KDM6A: variants seen among roughly 807,000 people sequenced by gnomAD.
KDM6A encodes the protein lysine demethylase 6A.
KDM6A carries 11 observed loss-of-function variants against 117.6 expected under a neutral mutation model. The observed-to-expected ratio is 0.09, with a 90% CI of 0.06 to 0.15. The LOEUF is 0.15. KDM6A is among the 10% of genes least tolerant of loss of function. KDM6A has a pLI of 1.00. For missense variants in KDM6A, 799 were observed against 1,077.3 expected (o/e 0.74, Z 3.62); for synonymous variants, 384 against 396.1 (o/e 0.97, Z 0.36).
At position 44,875,885 on chromosome X, in the gene KDM6A, G is replaced by C. The variant is rs376981700; in HGVS notation, c.225+1898G>C. Among the ~76,000 whole-genome samples the C allele has an allele frequency of 7.2e-5, 8 of 111,820 alleles. No homozygotes were observed. The East Asian group carries it at 1.4e-3, about 19-fold the overall frequency. On this transcript the variant is annotated intron_variant, in intron 2 of 29. Transcript: ENST00000611820. The stretch of plus-strand genomic sequence containing the variant: ...GCTCATATTCATATAGATTCACTGC[G>C]AATAGTGCTTAACATTGGATTTCGG...
At chrX:44,986,595 A>G (rs2040240267) in intron 4 of KDM6A, among the ~76,000 whole-genome samples, 1 of 111,387 alleles carries the variant, frequency 9.0e-6, no homozygotes, top group Non-Finnish European at 1.9e-5. Flanking sequence ...TGTCCCAGAG[A>G]TTCTGGTATG....
intron 2 of KDM6A, among the ~76,000 whole-genome samples, chrX:44,953,989 T>C (rs1259737193): frequency 3.7e-5 from 4 of 108,384 alleles, no homozygotes; most frequent in African/African-American, 1.4e-4. Flanking sequence ...GCCTGGGAGG[T>C]CAAGGCTGCA....
chrX:45,012,554 C>T (rs1214455610), intron 5 of KDM6A, among the ~76,000 whole-genome samples: 2 of 110,806 alleles, frequency 1.8e-5, no homozygotes, highest in African/African-American at 3.3e-5. Flanking sequence ...TTCTGTGCTC[C>T]AGAATTTTAA....
At chrX:44,910,806 C>G (rs975646992) in intron 2 of KDM6A, among the ~76,000 whole-genome samples, 3 of 110,847 alleles carry the variant, frequency 2.7e-5, no homozygotes, top group African/African-American at 9.8e-5. Context: ...CAGAGAGCAC[C>G]GGGTTGGGGG....
chrX:44,979,842 AT>A (rs770003293), intron 4 of KDM6A, among the ~76,000 whole-genome samples: 5 of 110,825 alleles, frequency 4.5e-5, no homozygotes, highest in Admixed American at 9.6e-5. Context: ...TCTTTGAAAA[AT>A]ATCAACGTAC....
At chrX:45,107,686 T>C in intron 28 of KDM6A, 150 bp downstream of exon 28, 1 of 538,444 alleles carries the variant, frequency 1.9e-6, no homozygotes, top group Non-Finnish European at 2.9e-6. Flanking sequence ...GCTTAGCCAT[T>C]ATATTAAAAT....
At chrX:45,041,087 C>T (rs1374173571) in intron 8 of KDM6A, among the ~76,000 whole-genome samples, 5 of 79,195 alleles carry the variant, frequency 6.3e-5, no homozygotes, top group African/African-American at 2.1e-4. Flanking sequence ...AGAGGCACCC[C>T]TCACCTCCCG....
intron 24 of KDM6A, among the ~76,000 whole-genome samples, chrX:45,085,234 A>T (rs978703686): frequency 1.8e-5 from 2 of 111,999 alleles, no homozygotes; most frequent in Non-Finnish European, 3.8e-5. Context: ...TCATAAGGAA[A>T]AAAATGGTAA....
intron 8 of KDM6A, among the ~76,000 whole-genome samples, chrX:45,044,418 T>G (rs1367780605): frequency 9.0e-6 from 1 of 111,632 alleles, no homozygotes; most frequent in African/African-American, 3.3e-5. Context: ...ATTCTGTTAC[T>G]GAAATGTTAG....
chrX:45,103,564 T>C (rs1280804846), intron 27 of KDM6A, among the ~76,000 whole-genome samples: 2 of 112,267 alleles, frequency 1.8e-5, no homozygotes, highest in African/African-American at 6.5e-5. Flanking sequence ...AATATAAGGC[T>C]TTTGATAATT....
chrX:44,896,230 C>T (rs908410176), intron 2 of KDM6A, among the ~76,000 whole-genome samples: 6 of 109,752 alleles, frequency 5.5e-5, no homozygotes, highest in African/African-American at 2.0e-4. Flanking sequence ...CCTGCCACCA[C>T]GCCCAGCTAA....
rs377249285 is a variant in KDM6A, at chrX:45,101,587, G to A, written c.4035-5823G>A. Among the ~76,000 whole-genome samples the A allele has an allele frequency of 6.3e-5, 7 of 110,276 alleles. No individual in the cohort carries two copies. In the East Asian group the frequency reaches 1.1e-3, roughly 18 times the overall value. On this transcript the variant is annotated intron_variant, in intron 27 of 29. Transcript: ENST00000611820. The stretch of plus-strand genomic sequence containing the variant: ...ATGCTGCTATTAAATATCCTGCAGG[G>A]CACAAGACAGCTCCCCATAACAAAG...
In KDM6A at chrX:45,103,226, T is replaced by TA. The variant is rs765164392; in HGVS notation, c.4035-4183dup. Among the ~76,000 whole-genome samples the TA allele has an allele frequency of 6.3e-5, 7 of 111,217 alleles. No individual in the cohort carries two copies. In the East Asian group the frequency reaches 2.0e-3, roughly 31 times the overall value. On this transcript the variant is annotated intron_variant, in intron 27 of 29. Coordinates refer to ENST00000611820, the MANE Select transcript of KDM6A (RefSeq NM_001291415.2). ...AATATTATTATGGCTTCATTCCTGT[T>TA]ACTTCCTGCCCCAGAAACGTCATGC...
chrX:44,904,955 T>C (rs2034557839), intron 2 of KDM6A, among the ~76,000 whole-genome samples: 1 of 112,269 alleles, frequency 8.9e-6, no homozygotes, highest in African/African-American at 3.2e-5. Context: ...AACTATTTGC[T>C]CGTTTTCTCA....
At chrX:45,062,312 G>A (rs756952423) in intron 15 of KDM6A, among the ~76,000 whole-genome samples, 3 of 112,065 alleles carry the variant, frequency 2.7e-5, no homozygotes, top group Non-Finnish European at 5.6e-5. Context: ...ATTCCAGACA[G>A]TGCTGCTTTT....
intron 6 of KDM6A, among the ~76,000 whole-genome samples, chrX:45,025,372 A>G (rs2147707047): frequency 8.9e-6 from 1 of 112,140 alleles, no homozygotes; most frequent in Admixed American, 9.4e-5. Flanking sequence ...CATATTGGTC[A>G]GGCTGGTCTC....
At chrX:44,985,050 A>G (rs1331630299) in intron 4 of KDM6A, among the ~76,000 whole-genome samples, 2 of 109,481 alleles carry the variant, frequency 1.8e-5, no homozygotes, top group Non-Finnish European at 3.8e-5. Flanking sequence ...ATGAGCATGG[A>G]ATGTTCTTCC....
Position 44,985,723 on chromosome X carries a change from G to A in KDM6A, c.384+11008G>A, listed in dbSNP as rs535575331. Among the ~76,000 whole-genome samples, 263 of 111,856 alleles carry A rather than the reference G, an allele frequency of 2.4e-3. 5 individuals are homozygous for A. In the South Asian group the frequency reaches 0.047, roughly 20 times the overall value. ...TGCTGGGTTACGTTTACTCATTTGC[G>A]TATGTTGAACCAGCCTTGCATCCCA... On this transcript the variant is annotated intron_variant, in intron 4 of 29. Coordinates refer to ENST00000611820, the MANE Select transcript of KDM6A (RefSeq NM_001291415.2).
At chrX:44,975,855 G>A (rs2039592637) in intron 4 of KDM6A, among the ~76,000 whole-genome samples, 1 of 111,829 alleles carries the variant, frequency 8.9e-6, no homozygotes, top group Non-Finnish European at 1.9e-5. Flanking sequence ...GCCTGGGCAT[G>A]CCTGCAGTGG....
Sources: gnomAD v4.1 joint callset for allele counts (sites outside exome capture counted in the v4.1 genomes callset) on GRCh38, gnomAD v4.1.1 for gene constraint, MANE v1.5 for transcripts, NCBI Gene and HGNC (gene_info 2026-07-23, HGNC 2026-07-21) for gene names.